Variants in IQCK observed in about 807,000 individuals in gnomAD.
IQCK encodes IQ motif containing K.
In IQCK, 29 loss-of-function variants were observed where a neutral mutation model predicts 28.1. That is an observed-to-expected ratio of 1.03 (90% CI 0.77 to 1.41). IQCK has a LOEUF of 1.41. IQCK is among the 40% of genes most tolerant of loss of function. The pLI is 0.00. For missense variants in IQCK, 359 were observed against 314.7 expected, an observed-to-expected ratio of 1.14 and a Z score of -1.07; for synonymous variants, 113 against 115.1, an observed-to-expected ratio of 0.98 and a Z score of 0.12.
intron 6 of IQCK, among the ~76,000 whole-genome samples, chr16:19,770,803 A>C (rs906562822): frequency 1.3e-5 from 2 of 151,776 alleles, no homozygotes; most frequent in East Asian, 3.9e-4. Flanking sequence ...TTGTATTTTT[A>C]GTAGAGACAG....
intron 9 of IQCK, among the ~76,000 whole-genome samples, chr16:19,855,795 T>C (rs2056551935): frequency 6.6e-6 from 1 of 152,108 alleles, no homozygotes; most frequent in Non-Finnish European, 1.5e-5. Context: ...AAACCACCTT[T>C]CAAGACATTC....
intron 4 of IQCK, among the ~76,000 whole-genome samples, chr16:19,742,136 A>G (rs1275979208): frequency 6.6e-6 from 1 of 152,184 alleles, no homozygotes; most frequent in African/African-American, 2.4e-5. Context: ...CAACTATTGA[A>G]AGGACAGCAG....
chr16:19,822,786 G>A (rs1019962844), intron 7 of IQCK, among the ~76,000 whole-genome samples: 1 of 152,162 alleles, frequency 6.6e-6, no homozygotes, highest in African/African-American at 2.4e-5. Flanking sequence ...GCATAACATT[G>A]TAAGTGTACT....
intron 6 of IQCK, among the ~76,000 whole-genome samples, chr16:19,776,806 T>C (rs1275039815): frequency 6.6e-6 from 1 of 152,244 alleles, no homozygotes; most frequent in Admixed American, 6.5e-5. Flanking sequence ...CAGGGGTAGA[T>C]GATGTCATAT....
At chr16:19,730,644 G>C (rs1267049745) in intron 2 of IQCK, 150 bp downstream of exon 2, 2 of 506,254 alleles carry the variant, frequency 4.0e-6, no homozygotes, top group Non-Finnish European at 6.9e-6. Context: ...GCCAATCCCA[G>C]CTCTAATACT....
chr16:19,831,704 A>G (rs1005724371), downstream of IQCK, among the ~76,000 whole-genome samples: 1 of 151,960 alleles, frequency 6.6e-6, no homozygotes, highest in Non-Finnish European at 1.5e-5. Flanking sequence ...GGAGACAGGC[A>G]TATCTTTTTA....
rs760401148 is a variant in IQCK, at chr16:19,727,479, C to T, written c.182-2951C>T. 2.9e-4 allele frequency among the ~76,000 whole-genome samples: 44 copies of T among 150,540 alleles called. No individual in the cohort carries two copies. In the Middle Eastern group the frequency reaches 0.014, roughly 48 times the overall value. ...GCATGTGCCTGTAGTCCCAGCTACT[C>T]GGGAGGCTGAGGCAGGAGAATTTCT... On this transcript the variant is annotated intron_variant, in intron 1 of 7. Coordinates refer to ENST00000564186, the Ensembl canonical transcript of IQCK.
At chr16:19,719,823 G>A (rs1247263044) in intron 1 of IQCK, among the ~76,000 whole-genome samples, 3 of 151,470 alleles carry the variant, frequency 2.0e-5, no homozygotes, top group African/African-American at 4.8e-5. Flanking sequence ...ACAGGCACCC[G>A]TCATCATTCC....
At chr16:19,846,972 AAG>A (rs371611674) in intron 9 of IQCK, among the ~76,000 whole-genome samples, 18 of 152,178 alleles carry the variant, frequency 1.2e-4, no homozygotes, top group South Asian at 6.2e-4. Flanking sequence ...GATGATGGTT[AAG>A]ACCATGGGTT....
intron 1 of IQCK, among the ~76,000 whole-genome samples, chr16:19,718,943 G>A (rs1338846785): frequency 2.0e-5 from 3 of 152,196 alleles, no homozygotes; most frequent in Admixed American, 2.0e-4. Flanking sequence ...GTAGTCGGTG[G>A]CCCACACGTT....
intron 7 of IQCK, among the ~76,000 whole-genome samples, chr16:19,804,972 T>C (rs2055815514): frequency 6.6e-6 from 1 of 152,186 alleles, no homozygotes; most frequent in Non-Finnish European, 1.5e-5. Flanking sequence ...CCCCACATTG[T>C]TGGTCTGCTT....
At chr16:19,725,980 A>T (rs1350230222) in intron 1 of IQCK, among the ~76,000 whole-genome samples, 2 of 148,026 alleles carry the variant, frequency 1.4e-5, no homozygotes, top group South Asian at 2.1e-4. Context: ...CAGCGGCTCG[A>T]TCTCTGCTCA....
At chr16:19,747,477 T>C (rs867679052) in intron 4 of IQCK, among the ~76,000 whole-genome samples, 5 of 152,150 alleles carry the variant, frequency 3.3e-5, no homozygotes, top group Non-Finnish European at 7.4e-5. Context: ...TCCGAAGAGT[T>C]AGGAAATAGA....
downstream of IQCK, among the ~76,000 whole-genome samples, chr16:19,831,513 C>T (rs142747731): frequency 3.3e-5 from 5 of 152,140 alleles, no homozygotes; most frequent in Non-Finnish European, 5.9e-5. Context: ...ATAAATCTCC[C>T]CAGCCAAGGT....
intron 1 of IQCK, 46 bp downstream of exon 1, chr16:19,718,533 G>C (rs1597486938): frequency 1.3e-6 from 2 of 1,489,452 alleles, no homozygotes; most frequent in Non-Finnish European, 1.8e-6. Flanking sequence ...CGGGCGGCCG[G>C]ACGGGGGCCG....
At chr16:19,840,166 G>A (rs1597605198) in intron 9 of IQCK, among the ~76,000 whole-genome samples, 2 of 152,136 alleles carry the variant, frequency 1.3e-5, no homozygotes, top group East Asian at 3.9e-4. Context: ...GACCAGCCTG[G>A]GCAACATGGT....
chr16:19,722,955 A>G (rs889403420), intron 1 of IQCK, among the ~76,000 whole-genome samples: 5 of 151,522 alleles, frequency 3.3e-5, no homozygotes, highest in African/African-American at 1.2e-4. Flanking sequence ...TAGGTGATCC[A>G]CCCGCCTCAG....
At chr16:19,849,027 G>A (rs1219335108) in intron 9 of IQCK, among the ~76,000 whole-genome samples, 1 of 151,884 alleles carries the variant, frequency 6.6e-6, no homozygotes, top group Non-Finnish European at 1.5e-5. Context: ...CTTCTGATTG[G>A]CCACTTGACA....
intron 4 of IQCK, among the ~76,000 whole-genome samples, chr16:19,760,576 A>G (rs1378782598): frequency 6.6e-6 from 1 of 152,170 alleles, no homozygotes; most frequent in Non-Finnish European, 1.5e-5. Context: ...ACTTCAACAT[A>G]TGACTCTTGG....
Sources: gnomAD v4.1 joint callset for allele counts (sites outside exome capture counted in the v4.1 genomes callset) on GRCh38, gnomAD v4.1.1 for gene constraint, MANE v1.5 for transcripts, NCBI Gene and HGNC (gene_info 2026-07-23, HGNC 2026-07-21) for gene names.